Variants in HLCS observed in about 807,000 individuals in gnomAD.
HLCS encodes the protein holocarboxylase synthetase, also known as biotin--protein ligase.
In HLCS, 53 loss-of-function variants were observed where a neutral mutation model predicts 75.0. The observed-to-expected ratio is 0.71, with a 90% CI of 0.57 to 0.89. The LOEUF is 0.89. Among genes scored for constraint, HLCS ranks in the 40% least tolerant of loss-of-function variants. HLCS has a pLI of 0.00. For missense variants in HLCS, 966 were observed against 1,074.0 expected (o/e 0.90, Z 1.41); for synonymous variants, 431 against 428.6 (o/e 1.01, Z -0.07).
At chr21:36,906,898 T>A (rs1171248382) in intron 5 of HLCS, among the ~76,000 whole-genome samples, 1 of 152,054 alleles carries the variant, frequency 6.6e-6, no homozygotes, top group Non-Finnish European at 1.5e-5. Flanking sequence ...GCCAAACATA[T>A]AAGTGTGATT....
intron 6 of HLCS, among the ~76,000 whole-genome samples, chr21:36,778,204 T>G (rs544924394): frequency 1.3e-5 from 2 of 152,048 alleles, no homozygotes; most frequent in East Asian, 1.9e-4. Context: ...CTCCTGCCCT[T>G]GTGATCCGCC....
intron 4 of HLCS, among the ~76,000 whole-genome samples, chr21:36,933,590 A>G (rs2090548334): frequency 6.7e-6 from 1 of 149,546 alleles, no homozygotes; most frequent in African/African-American, 2.5e-5. Context: ...TATCCTACTC[A>G]GTGCACTTCT....
At chr21:36,921,388 T>C (rs1398378742) in intron 5 of HLCS, among the ~76,000 whole-genome samples, 1 of 152,050 alleles carries the variant, frequency 6.6e-6, no homozygotes, top group East Asian at 1.9e-4. Context: ...GAGGTTGCAG[T>C]GAGCCGAGAT....
At chr21:36,927,885 C>T (rs1381850226) in intron 5 of HLCS, among the ~76,000 whole-genome samples, 1 of 152,190 alleles carries the variant, frequency 6.6e-6, no homozygotes, top group Non-Finnish European at 1.5e-5. Context: ...GCCCAGGCAT[C>T]CAATCCCTAA....
chr21:36,886,313 G>A (rs1449052866), intron 6 of HLCS, among the ~76,000 whole-genome samples: 1 of 151,474 alleles, frequency 6.6e-6, no homozygotes, highest in Admixed American at 6.6e-5. Flanking sequence ...GGTGTCTGTA[G>A]TCTCAGCTAC....
rs146758044 is a variant in HLCS at position 36,799,015 on chromosome 21, G to A, written c.1893-31730C>T. On this transcript the variant is annotated intron_variant, in intron 6 of 10. Coordinates refer to ENST00000674895, the MANE Select transcript of HLCS (RefSeq NM_001352514.2). ...TTTAAACTGTGTTTTATAAAAAAAA[G>A]AAGTTTTTTTAGATCAAAGTCCATT... 6.8e-3 allele frequency among the ~76,000 whole-genome samples: 1,032 copies of A among 152,142 alleles called. 8 individuals are homozygous for A. The highest frequency in any genetic ancestry group is 0.023 in the African/African-American group (975 of 41,508).
rs980791735 is a variant in HLCS, at chr21:36,753,973, C to T, written c.*273G>A. ...TGTAAAAACTCCCCTTGACAATAAA[C>T]GTAAGTCCAAGCCACAGAGGGGAGA... On this transcript the variant is annotated 3_prime_UTR_variant, in exon 11 of 11. Coordinates refer to ENST00000674895, the MANE Select transcript of HLCS (RefSeq NM_001352514.2). The surrounding 1 kb of genome is among the most constrained non-coding windows in gnomAD (Gnocchi z 4.3). 5 of 523,688 alleles carry T rather than the reference C, an allele frequency of 9.5e-6. No individual in the cohort carries two copies. The highest frequency in any genetic ancestry group is 4.2e-5 in the South Asian group (2 of 47,460). 32.4% of individuals were successfully genotyped at this position (523,688 alleles called of 1,614,324 possible).
intron 2 of HLCS, among the ~76,000 whole-genome samples, chr21:36,959,798 C>T (rs2146653671): frequency 6.6e-6 from 1 of 152,328 alleles, no homozygotes; most frequent in East Asian, 1.9e-4. Context: ...TCACCCTCCA[C>T]ATACCTCATT....
At chr21:36,946,845 C>T (rs562924124) in intron 2 of HLCS, among the ~76,000 whole-genome samples, 1 of 152,302 alleles carries the variant, frequency 6.6e-6, no homozygotes, top group East Asian at 1.9e-4. Context: ...CCTAGAGGGT[C>T]AGGCCCACCC....
At chr21:36,834,959 G>A (rs1214289554) in intron 6 of HLCS, among the ~76,000 whole-genome samples, 1 of 152,176 alleles carries the variant, frequency 6.6e-6, no homozygotes, top group South Asian at 2.1e-4. Context: ...CAGGAAGTGT[G>A]GGGGGTCAGG....
At chr21:36,768,669 C>T (rs565027592) in intron 6 of HLCS, among the ~76,000 whole-genome samples, 4 of 152,332 alleles carry the variant, frequency 2.6e-5, no homozygotes, top group African/African-American at 7.2e-5. Context: ...ACGCTTTCGG[C>T]GAGCAGGCTG....
At chr21:36,944,355 C>T (rs1375236232) in intron 2 of HLCS, among the ~76,000 whole-genome samples, 2 of 151,844 alleles carry the variant, frequency 1.3e-5, no homozygotes, top group Non-Finnish European at 2.9e-5. Context: ...GATTCGTGGC[C>T]CAAGTAGAAA....
intron 6 of HLCS, among the ~76,000 whole-genome samples, chr21:36,790,099 G>T (rs1235905934): frequency 1.3e-5 from 2 of 152,072 alleles, no homozygotes; most frequent in Non-Finnish European, 2.9e-5. Context: ...GCCCACCCTG[G>T]GTATTATCAT....
chr21:36,769,248 G>A (rs1480273860), intron 6 of HLCS, among the ~76,000 whole-genome samples: 2 of 152,226 alleles, frequency 1.3e-5, no homozygotes, highest in South Asian at 2.1e-4. Flanking sequence ...AATTCTGCAA[G>A]GAGGGAGACA....
chr21:36,768,477 C>T (rs2090120464), intron 6 of HLCS, among the ~76,000 whole-genome samples: 1 of 152,210 alleles, frequency 6.6e-6, no homozygotes, highest in Admixed American at 6.5e-5. Flanking sequence ...AGAGAAACAA[C>T]ACTGTGTCCA....
chr21:36,828,380 AAT>A (rs1345596634), intron 6 of HLCS, among the ~76,000 whole-genome samples: 2 of 141,198 alleles, frequency 1.4e-5, no homozygotes, highest in East Asian at 3.8e-4. Context: ...TGAATGAATG[AAT>A]GAATGAATGA....
intron 1 of HLCS, chr21:36,972,089 A>C (rs948091921): frequency 6.6e-6 from 1 of 152,182 alleles, no homozygotes; most frequent in African/African-American, 2.4e-5. Context: ...GGAGAGAACC[A>C]AAGCTCATCG....
intron 2 of HLCS, among the ~76,000 whole-genome samples, chr21:36,949,398 A>C (rs7280923): frequency 0.56 from 85,492 of 152,082 alleles, 24,286 homozygotes; most frequent in East Asian, 0.64. Flanking sequence ...ATGTCCTTCT[A>C]CTTCATGTGG....
At chr21:36,901,074 AACATGGTGAAACCCC>A (rs1050618765) in intron 5 of HLCS, among the ~76,000 whole-genome samples, 1 of 152,132 alleles carries the variant, frequency 6.6e-6, no homozygotes, top group Non-Finnish European at 1.5e-5. Flanking sequence ...CAGCCTGGCC[AACATGGTGAAACCCC>A]ACCTCTACTA....
Sources: gnomAD v4.1 joint callset for allele counts (sites outside exome capture counted in the v4.1 genomes callset) on GRCh38, gnomAD v4.1.1 for gene constraint, Gnocchi (gnomAD v3.1) non-coding constraint, MANE v1.5 for transcripts, NCBI Gene and HGNC (gene_info 2026-07-23, HGNC 2026-07-21) for gene names.